The following PPIL2 variants were observed in gnomAD, a reference collection of about 807,000 sequenced individuals.
PPIL2 encodes peptidylprolyl isomerase like 2.
PPIL2 carries 50 observed loss-of-function variants against 75.2 expected under a neutral mutation model. The ratio of observed to expected loss-of-function variants is 0.66; its 90% confidence interval spans 0.53 to 0.84. The LOEUF is 0.84. PPIL2 is among the 40% of genes least tolerant of loss of function. The probability of loss-of-function intolerance (pLI) is 0.00; values close to 1 mark genes in which losing one functional copy is unlikely to be tolerated. For synonymous variants in PPIL2, 245 were observed against 258.8 expected, an observed-to-expected ratio of 0.95 and a Z score of 0.51; for missense variants, 590 against 685.0, an observed-to-expected ratio of 0.86 and a Z score of 1.55.
chr22:21,683,566 C>T lies in PPIL2; in HGVS notation c.553+309C>T, dbSNP rs11913823. 4.4e-3 allele frequency among the ~76,000 whole-genome samples: 675 copies of T among 152,368 alleles called. 7 individuals are homozygous for T. Among genetic ancestry groups the T allele is most frequent in the African/African-American group, 0.015 (629 of 41,586 alleles). Reference sequence around the variant, plus strand: ...TGTTTCCCTGGCCTCTGGTGGCTGTCCTGCAGCCTTGGAGGAGCCAGCAGG... The same window carrying T: ...TGTTTCCCTGGCCTCTGGTGGCTGTTCTGCAGCCTTGGAGGAGCCAGCAGG... On this transcript the variant is annotated intron_variant, in intron 9 of 19. Transcript: ENST00000398831.
chr22:21,696,868 C>T lies in PPIL2; in HGVS notation c.*1378C>T. The T allele has an allele frequency of 6.3e-7, 1 of 1,586,358 alleles. No homozygotes were observed. On this transcript the variant is annotated 3_prime_UTR_variant, in exon 20 of 20. Transcript: ENST00000398831. Reference sequence around the variant, plus strand: ...CGCCTCATCTGCATCTCTGCCTCACCCCATCCACTGCCACAGGCTGCCTGA... The same window carrying T: ...CGCCTCATCTGCATCTCTGCCTCACTCCATCCACTGCCACAGGCTGCCTGA...
At chr22:21,693,983 T>C in intron 16 of PPIL2, 111 bp downstream of exon 16, 1 of 1,151,104 alleles carries the variant, frequency 8.7e-7, no homozygotes, top group Non-Finnish European at 1.3e-6. Flanking sequence ...TGTGCCATGC[T>C]GGCCATCACT....
chr22:21,668,485 T>C (rs913405583), intron 1 of PPIL2, among the ~76,000 whole-genome samples: 8 of 150,306 alleles, frequency 5.3e-5, no homozygotes, highest in Non-Finnish European at 1.0e-4. Flanking sequence ...AAAAATCAGC[T>C]GGGCGTGGTG....
At chr22:21,683,067 C>A in intron 8 of PPIL2, 115 bp from the exon 9 acceptor site, 1 of 888,080 alleles carries the variant, frequency 1.1e-6, no homozygotes, top group Non-Finnish European at 1.9e-6. Flanking sequence ...CCCCCAACCT[C>A]AGTGTAGCCC....
chr22:21,695,011 G>C lies in PPIL2; in HGVS notation c.1407G>C (p.Gly469=), dbSNP rs551929873. 1 of 1,613,462 alleles carries C rather than the reference G, an allele frequency of 6.2e-7. No homozygotes were observed. Among genetic ancestry groups the C allele is most frequent in the South Asian group, 1.1e-5 (1 of 91,082 alleles). Residue 469 remains glycine, a synonymous_variant, in exon 19 of 20, where the codon GGG becomes GGC. Transcript: ENST00000398831. The part of the protein sequence containing the change: ...TKVKSSQPQA[G]SQGPQTFRQG... The stretch of plus-strand genomic sequence containing the variant: ...TGAAGAGCAGCCAGCCCCAGGCAGG[G>C]AGCCAGGGCCCCCAGACCTTCCGCC...
At chr22:21,698,195 A>G (rs958864427), downstream of PPIL2, 1 of 151,776 alleles carries the variant, frequency 6.6e-6, no homozygotes, top group Non-Finnish European at 1.5e-5. Flanking sequence ...TTGGTTTAAA[A>G]ATGAGCTTGT....
At chr22:21,686,741 G>A (rs893489661) in intron 11 of PPIL2, 151 bp from the exon 12 acceptor site, 17 of 995,144 alleles carry the variant, frequency 1.7e-5, no homozygotes, top group East Asian at 1.7e-4. Flanking sequence ...GAGCCTGTGC[G>A]TGGCCTAAGC....
chr22:21,696,205 C>T lies in PPIL2; in HGVS notation c.*715C>T, dbSNP rs1037321239. 6 of 1,002,492 alleles carry T rather than the reference C, an allele frequency of 6.0e-6. No individual in the cohort carries two copies. The highest frequency in any genetic ancestry group is 5.2e-5 in the Admixed American group (1 of 19,250). 62.1% of individuals were successfully genotyped at this position (1,002,492 alleles called of 1,614,324 possible). ...GTGTTGGACGGCAGCATTGAGTTTC[C>T]TGCCGTGCCCTGCCTGAGCTCTCAG... On this transcript the variant is annotated 3_prime_UTR_variant, in exon 20 of 20. Coordinates refer to ENST00000398831, the MANE Select transcript of PPIL2 (RefSeq NM_014337.4).
Position 21,694,740 on chromosome 22 carries a change from C to T in PPIL2, c.1270-15C>T. 2.5e-6 allele frequency: 4 copies of T among 1,610,812 alleles called. No homozygotes were observed. The highest frequency in any genetic ancestry group is 3.4e-6 in the Non-Finnish European group (4 of 1,178,158). On this transcript the variant is annotated splice_polypyrimidine_tract_variant and intron_variant, in intron 17 of 19. Coordinates refer to ENST00000398831, the MANE Select transcript of PPIL2 (RefSeq NM_014337.4). Reference sequence around the variant, plus strand: ...GGGGAGGACCTGCCGTGCACTGAGCCCCCTTTGCTGCTAGGAGGAGATCCG... The same window carrying T: ...GGGGAGGACCTGCCGTGCACTGAGCTCCCTTTGCTGCTAGGAGGAGATCCG...
intron 10 of PPIL2, 139 bp downstream of exon 10, chr22:21,685,052 G>C (rs1418417220): frequency 1.6e-6 from 2 of 1,227,826 alleles, no homozygotes; most frequent in East Asian, 5.1e-5. Flanking sequence ...CCCCAGAGCT[G>C]TGGTGCCCCT....
At position 21,684,797 on chromosome 22, in the gene PPIL2, A is replaced by G. The variant is rs147369277; in HGVS notation, c.598A>G (p.Thr200Ala). The G allele has an allele frequency of 9.0e-5, 146 of 1,614,082 alleles. No homozygotes were observed. In the African/African-American group the frequency reaches 1.7e-3, roughly 19 times the overall value. ...GGACCCGTCTTATTATCTGAAAAAT[A>G]CAAATGCCGAGACCCGAGAGACCCT... ...KQDPSYYLKN[T>A]NAETRETLQE... is the part of the protein sequence containing the mutation. The change falls in exon 10 of 20, where the codon ACA becomes GCA. Residue 200 changes from threonine to alanine, a missense_variant. Thr to Ala is a moderately conservative substitution (Grantham distance 58). Coordinates refer to ENST00000398831, the MANE Select transcript of PPIL2 (RefSeq NM_014337.4).
intron 6 of PPIL2, 134 bp downstream of exon 6, chr22:21,675,249 G>A: frequency 1.2e-6 from 1 of 862,432 alleles, no homozygotes; most frequent in Non-Finnish European, 1.8e-6. Flanking sequence ...CGCAAAAAGT[G>A]TCACAGGGCT....
rs201566623 is a variant in PPIL2 at position 21,686,527 on chromosome 22, C to T, written c.759C>T (p.Thr253=). 9.3e-6 allele frequency: 15 copies of T among 1,614,174 alleles called. No individual in the cohort carries two copies. The highest frequency in any genetic ancestry group is 1.6e-4 in the Middle Eastern group (1 of 6,062). Residue 253 remains threonine (T), a synonymous_variant, in exon 11 of 20, where the codon ACC becomes ACT. Coordinates refer to ENST00000398831, the MANE Select transcript of PPIL2 (RefSeq NM_014337.4). The part of the protein sequence containing the change: ...TGKVSASFTS[T]AMVPETTHEA... ...AGGTCAGCGCTTCCTTCACCTCCAC[C>T]GCGATGGTCCCGGAGACCACACATG...
chr22:21,687,742 G>A lies in PPIL2; in HGVS notation c.987+10G>A, dbSNP rs188621831. 330 of 1,604,212 alleles carry A rather than the reference G, an allele frequency of 2.1e-4. No homozygotes were observed. The African/African-American group carries it at 3.6e-3, about 18-fold the overall frequency. ...CATCCGGAACTTTGTGGTGAGTGAC[G>A]AGAGTCACTGGCTGCACAGATGAGC... is the stretch of plus-strand genomic sequence containing the variant. On this transcript the variant is annotated intron_variant, in intron 13 of 19. Transcript: ENST00000398831.
intron 1 of PPIL2, among the ~76,000 whole-genome samples, chr22:21,667,152 A>ATTTTTTTTTTTTT (rs747410460): frequency 1.9e-5 from 2 of 106,554 alleles, no homozygotes; most frequent in African/African-American, 3.8e-5. Context: ...CTCAGTCCTC[A>ATTTTTTTTTTTTT]TTTTTTTTTT....
chr22:21,683,350 CA>C (rs2067210581), intron 9 of PPIL2, 93 bp downstream of exon 9: 1 of 1,101,544 alleles, frequency 9.1e-7, no homozygotes, highest in South Asian at 1.3e-5. Context: ...TCCTGGAGGT[CA>C]GGGGGTCCCA....
intron 14 of PPIL2, among the ~76,000 whole-genome samples, chr22:21,688,451 A>G (rs2067473945): frequency 6.6e-6 from 1 of 152,134 alleles, no homozygotes; most frequent in Non-Finnish European, 1.5e-5. Context: ...GTATTCCCAT[A>G]GCTTGAGTGA....
rs1470668017 is a variant in PPIL2, at chr22:21,686,872, G to A, written c.791-20G>A. On this transcript the variant is annotated intron_variant, in intron 11 of 19. Transcript: ENST00000398831. ...GCCCCAGGGTGAGGGCAGGGGCTGA[G>A]CTGGGACCTTGGCTTGTAGCTGCCA... The A allele has an allele frequency of 6.2e-7, 1 of 1,612,716 alleles. No individual in the cohort carries two copies.
rs966260470 is a variant in PPIL2, at chr22:21,696,104, A to G, written c.*614A>G. ...CCTGGGACAAGTTTTCAGACCCCAG[A>G]CTTACTGAGCCTAAGCCTCTGCAGG... On this transcript the variant is annotated 3_prime_UTR_variant, in exon 20 of 20. Coordinates refer to ENST00000398831, the MANE Select transcript of PPIL2 (RefSeq NM_014337.4). The G allele has an allele frequency of 3.1e-6, 3 of 978,748 alleles. No individual in the cohort carries two copies. In the African/African-American group the frequency reaches 5.3e-5, roughly 17 times the overall value. 60.6% of individuals were successfully genotyped at this position (978,748 alleles called of 1,614,324 possible).
Sources: gnomAD v4.1 joint callset for allele counts (sites outside exome capture counted in the v4.1 genomes callset) on GRCh38, gnomAD v4.1.1 for gene constraint, MANE v1.5 for transcripts, NCBI Gene and HGNC (gene_info 2026-07-23, HGNC 2026-07-21) for gene names.